GSG1L: variants seen among roughly 807,000 people sequenced by gnomAD.
The protein encoded by GSG1L is germ cell-specific gene 1-like protein.
GSG1L carries 24 observed loss-of-function variants against 42.1 expected under a neutral mutation model. The ratio of observed to expected loss-of-function variants is 0.57; its 90% CI spans 0.41 to 0.80. GSG1L has a LOEUF of 0.80. Among genes scored for constraint, GSG1L ranks in the 30% least tolerant of loss-of-function variants. The pLI is 0.00. For synonymous variants in GSG1L, 215 were observed against 203.5 expected (o/e 1.06, Z -0.48); for missense variants, 445 against 472.2 (o/e 0.94, Z 0.53).
Position 27,807,530 on chromosome 16 carries a change from C to T in GSG1L, c.855G>A (p.Glu285=), listed in dbSNP as rs1240488706. 6.2e-7 allele frequency: 1 copy of T among 1,612,782 alleles called. No homozygotes were observed. The highest frequency in any genetic ancestry group is 8.5e-7 in the Non-Finnish European group (1 of 1,179,930). ...RERMEKRDGS[E]EDFHLDCRHE... is the part of the protein sequence containing the mutation. ...GGCGGCAGTCTAAGTGAAAGTCCTC[C>T]TCGCTCCCGTCCCTCTTCTCCATCC... The change falls in exon 6 of 7, where the codon GAG becomes GAA. Residue 285 remains glutamate, a synonymous_variant. Transcript: ENST00000447459.
At chr16:27,885,354 G>T (rs1277286956) in intron 2 of GSG1L, among the ~76,000 whole-genome samples, 1 of 152,012 alleles carries the variant, frequency 6.6e-6, no homozygotes, top group African/African-American at 2.4e-5. Flanking sequence ...TCGCCATATT[G>T]CCCAGGCTGT....
chr16:27,936,332 G>A (rs1048823569), intron 2 of GSG1L, among the ~76,000 whole-genome samples: 3 of 152,182 alleles, frequency 2.0e-5, no homozygotes, highest in African/African-American at 7.2e-5. Context: ...AGGTGTTTGG[G>A]TCATGGGGGA....
intron 1 of GSG1L, among the ~76,000 whole-genome samples, chr16:27,977,258 A>T (rs371753075): frequency 1.3e-5 from 2 of 152,226 alleles, no homozygotes; most frequent in Admixed American, 6.5e-5. Context: ...AGGCTCTGTT[A>T]TCATGCAGGG....
chr16:27,976,012 C>T (rs768807769), intron 1 of GSG1L, among the ~76,000 whole-genome samples: 22 of 152,170 alleles, frequency 1.4e-4, no homozygotes, highest in Non-Finnish European at 2.4e-4. Flanking sequence ...TGGTGGCTCA[C>T]GCCTGTAATC....
intron 2 of GSG1L, among the ~76,000 whole-genome samples, chr16:27,889,777 C>A (rs1473097524): frequency 2.0e-5 from 3 of 152,146 alleles, no homozygotes; most frequent in African/African-American, 7.2e-5. Flanking sequence ...CCTTACCAGT[C>A]TCCCCAGGGA....
At chr16:27,824,022 T>G in intron 5 of GSG1L, 1 of 676,706 alleles carries the variant, frequency 1.5e-6, no homozygotes, top group Non-Finnish European at 2.7e-6. Flanking sequence ...GGGCCACAGA[T>G]AATAACGAGA....
chr16:27,907,330 C>T (rs548232233), intron 2 of GSG1L, among the ~76,000 whole-genome samples: 1 of 152,190 alleles, frequency 6.6e-6, no homozygotes, highest in Admixed American at 6.5e-5. Context: ...TGTGATATGT[C>T]CCTGATACTT....
intron 1 of GSG1L, among the ~76,000 whole-genome samples, chr16:28,018,589 T>C (rs2085805567): frequency 6.6e-6 from 1 of 152,062 alleles, no homozygotes. Context: ...GCTAGGAAAG[T>C]AGCTTCCCTT....
intron 1 of GSG1L, among the ~76,000 whole-genome samples, chr16:28,018,653 G>A (rs989571643): frequency 4.6e-5 from 7 of 151,984 alleles, no homozygotes; most frequent in South Asian, 2.1e-4. Flanking sequence ...AAGAGGGAAC[G>A]GCCATTGTGC....
At chr16:27,871,713 A>G (rs1326106082) in intron 3 of GSG1L, among the ~76,000 whole-genome samples, 2 of 152,214 alleles carry the variant, frequency 1.3e-5, no homozygotes, top group Admixed American at 1.3e-4. Context: ...AAACTAACAA[A>G]GTACTGGTAC....
At chr16:27,876,007 G>A (rs1375486943) in intron 3 of GSG1L, among the ~76,000 whole-genome samples, 1 of 152,142 alleles carries the variant, frequency 6.6e-6, no homozygotes, top group African/African-American at 2.4e-5. Context: ...TGAACCAACA[G>A]ATTTCCAGCA....
chr16:27,828,473 C>T (rs1033787410), intron 5 of GSG1L, among the ~76,000 whole-genome samples: 10 of 152,222 alleles, frequency 6.6e-5, no homozygotes, highest in African/African-American at 2.4e-4. Context: ...AACCTTGGTT[C>T]GGCTTCTTTA....
intron 5 of GSG1L, among the ~76,000 whole-genome samples, chr16:27,820,155 T>C (rs60857987): frequency 0.14 from 20,698 of 152,038 alleles, 1,721 homozygotes; most frequent in Middle Eastern, 0.19. Flanking sequence ...TTGGACATAT[T>C]GATCTGAGGT....
chr16:28,026,073 T>TA (rs1426240439), intron 1 of GSG1L, among the ~76,000 whole-genome samples: 1 of 152,208 alleles, frequency 6.6e-6, no homozygotes, highest in Non-Finnish European at 1.5e-5. Flanking sequence ...GGCTGGCCGA[T>TA]ATTCAGGAAG....
In GSG1L at chr16:28,021,894, C is replaced by T. The variant is rs527353111; in HGVS notation, c.349+41182G>A. On this transcript the variant is annotated intron_variant, in intron 1 of 6. Coordinates refer to ENST00000447459, the MANE Select transcript of GSG1L (RefSeq NM_001109763.2). ...GCACCTCTCCCCATGGGCCTCGACA[C>T]GGGGCTACTTGAGCATCCTCACAGC... Among the ~76,000 whole-genome samples, 28 of 152,278 alleles carry T rather than the reference C, an allele frequency of 1.8e-4. No homozygotes were observed. The South Asian group carries it at 5.8e-3, about 32-fold the overall frequency.
rs1484085507 is a variant in GSG1L at position 27,788,630 on chromosome 16, T to C, written c.*2740A>G. On this transcript the variant is annotated 3_prime_UTR_variant, in exon 7 of 7. Transcript: ENST00000447459. ...TTGCCTGGCTGATGCCCAGACAATCTTCATGTCTTGGCTTAGACATCATTT... is the reference window on the plus strand; with the variant it reads ...TTGCCTGGCTGATGCCCAGACAATCCTCATGTCTTGGCTTAGACATCATTT... 6.6e-6 allele frequency: 1 copy of C among 152,244 alleles called. No homozygotes were observed. The highest frequency in any genetic ancestry group is 2.4e-5 in the African/African-American group (1 of 41,460). 9.4% of individuals were successfully genotyped at this position (152,244 alleles called of 1,614,324 possible).
At chr16:28,027,645 C>A (rs528717605) in intron 1 of GSG1L, among the ~76,000 whole-genome samples, 1 of 152,280 alleles carries the variant, frequency 6.6e-6, no homozygotes, top group Admixed American at 6.5e-5. Context: ...TCAGGTGAAA[C>A]TGACACCACC....
At chr16:27,890,062 A>C (rs2084106898) in intron 2 of GSG1L, among the ~76,000 whole-genome samples, 1 of 152,182 alleles carries the variant, frequency 6.6e-6, no homozygotes, top group African/African-American at 2.4e-5. Context: ...GGCTGTCGTC[A>C]GGACAGAGTG....
intron 3 of GSG1L, among the ~76,000 whole-genome samples, chr16:27,878,460 C>T (rs1446776062): frequency 6.6e-6 from 1 of 152,134 alleles, no homozygotes; most frequent in Admixed American, 6.6e-5. Flanking sequence ...GGGGAAACTT[C>T]CCCCATGACT....
Sources: allele counts gnomAD v4.1 joint callset (sites outside exome capture counted in the v4.1 genomes callset), GRCh38; gene constraint gnomAD v4.1.1; transcripts MANE v1.5; gene names NCBI Gene and HGNC (gene_info 2026-07-23, HGNC 2026-07-21).